Variants in EPM2A observed in about 807,000 individuals in gnomAD.
The protein encoded by EPM2A is laforin.
EPM2A carries 21 observed loss-of-function variants against 26.5 expected under a neutral mutation model. The observed-to-expected ratio is 0.79, with a 90% CI of 0.56 to 1.14. EPM2A has a LOEUF of 1.14. Ranked by LOEUF, EPM2A falls within the 50% of genes most tolerant of loss-of-function variation. The pLI, the probability that EPM2A is intolerant of heterozygous loss-of-function variation, is 0.00. For synonymous variants in EPM2A, 217 were observed against 177.6 expected, an observed-to-expected ratio of 1.22 and a Z score of -1.76; for missense variants, 458 against 440.8, an observed-to-expected ratio of 1.04 and a Z score of -0.35.
At chr6:145,523,995 T>C (rs1011901043) in intron 2 of EPM2A, among the ~76,000 whole-genome samples, 2 of 152,186 alleles carry the variant, frequency 1.3e-5, no homozygotes, top group African/African-American at 4.8e-5. Flanking sequence ...CTTTATTCCA[T>C]GTGAACCCAA....
At chr6:145,675,567 C>T (rs1271872658) in intron 2 of EPM2A, among the ~76,000 whole-genome samples, 1 of 151,980 alleles carries the variant, frequency 6.6e-6, no homozygotes, top group Non-Finnish European at 1.5e-5. Context: ...TACACATAGG[C>T]TCAAAATAAA....
chr6:145,553,876 T>G (rs6920441), intron 2 of EPM2A, among the ~76,000 whole-genome samples: 1 of 148,188 alleles, frequency 6.7e-6, no homozygotes, highest in Non-Finnish European at 1.5e-5. Context: ...TATTACTTGA[T>G]ATATATATAT....
At chr6:145,395,721 T>C (rs904478841) in intron 4 of EPM2A, among the ~76,000 whole-genome samples, 13 of 152,148 alleles carry the variant, frequency 8.5e-5, no homozygotes, top group African/African-American at 3.1e-4. Flanking sequence ...GTATCCTCCA[T>C]GACTATACTG....
At chr6:145,535,342 T>C (rs879870512) in intron 2 of EPM2A, among the ~76,000 whole-genome samples, 1 of 152,242 alleles carries the variant, frequency 6.6e-6, no homozygotes, top group Non-Finnish European at 1.5e-5. Flanking sequence ...ATCTTGCTTC[T>C]TCCAGGACAG....
intron 2 of EPM2A, among the ~76,000 whole-genome samples, chr6:145,547,334 T>C (rs1486226706): frequency 6.6e-6 from 1 of 152,120 alleles, no homozygotes; most frequent in South Asian, 2.1e-4. Flanking sequence ...CTGGCTCTCC[T>C]TCTTCTGAGA....
At chr6:145,656,220 T>C (rs1778272631) in intron 2 of EPM2A, among the ~76,000 whole-genome samples, 1 of 152,208 alleles carries the variant, frequency 6.6e-6, no homozygotes, top group South Asian at 2.1e-4. Context: ...AATCACATTT[T>C]GAATAAAGCA....
chr6:145,529,597 C>T (rs1459177532), intron 2 of EPM2A, among the ~76,000 whole-genome samples: 1 of 152,024 alleles, frequency 6.6e-6, no homozygotes, highest in Admixed American at 6.6e-5. Context: ...ATAGTGTAAC[C>T]CTAACATTTT....
At chr6:145,683,704 T>C (rs988530670) in intron 2 of EPM2A, among the ~76,000 whole-genome samples, 1 of 152,114 alleles carries the variant, frequency 6.6e-6, no homozygotes, top group Admixed American at 6.6e-5. Flanking sequence ...CAACAGACCC[T>C]GCCTGTCTTT....
chr6:145,616,458 A>G (rs1775514849), intron 2 of EPM2A, among the ~76,000 whole-genome samples: 1 of 152,206 alleles, frequency 6.6e-6, no homozygotes, highest in Admixed American at 6.5e-5. Flanking sequence ...GCAGCGAGGA[A>G]GGGAAATGTG....
intron 2 of EPM2A, among the ~76,000 whole-genome samples, chr6:145,532,649 C>G (rs974127705): frequency 6.6e-6 from 1 of 152,130 alleles, no homozygotes; most frequent in Non-Finnish European, 1.5e-5. Context: ...GTAAGTGGCC[C>G]GGACCCTCAG....
chr6:145,685,103 A>G (rs1264191892), intron 2 of EPM2A, among the ~76,000 whole-genome samples: 1 of 152,202 alleles, frequency 6.6e-6, no homozygotes, highest in African/African-American at 2.4e-5. Context: ...AATAACACTT[A>G]CATAATATTT....
Position 145,718,188 on chromosome 6 carries a change from T to C in EPM2A, c.301+17010A>G, listed in dbSNP as rs1189035284. 7.7e-4 allele frequency among the ~76,000 whole-genome samples: 117 copies of C among 152,108 alleles called. 2 individuals are homozygous for C. In the East Asian group the frequency reaches 0.021, roughly 27 times the overall value. On this transcript the variant is annotated intron_variant, in intron 1 of 3. Transcript: ENST00000367519. Reference sequence around the variant, plus strand: ...CAATCCTAAGCCAAAAGAACAAAGTTGGAGGCATCACACTACCTGACTTCA... The same window carrying C: ...CAATCCTAAGCCAAAAGAACAAAGTCGGAGGCATCACACTACCTGACTTCA...
intron 1 of EPM2A, among the ~76,000 whole-genome samples, chr6:145,714,778 G>A (rs1000943363): frequency 6.6e-6 from 1 of 152,182 alleles, no homozygotes; most frequent in Non-Finnish European, 1.5e-5. Context: ...CAGATCTCAT[G>A]AGACTTATTC....
In EPM2A at chr6:145,627,028, T is replaced by C. The variant is rs371488071; in HGVS notation, c.*388A>G. The stretch of plus-strand genomic sequence containing the variant: ...TAGTGATGAAATCCACATAACTCCA[T>C]ATCTTTTCCTCTACATGGCCAAGAG... On this transcript the variant is annotated 3_prime_UTR_variant, in exon 4 of 4. Coordinates refer to ENST00000367519, the MANE Select transcript of EPM2A (RefSeq NM_005670.4). 38 of 1,142,826 alleles carry C rather than the reference T, an allele frequency of 3.3e-5. No individual in the cohort carries two copies. In the East Asian group the frequency reaches 5.7e-4, roughly 17 times the overall value. 70.8% of individuals were successfully genotyped at this position (1,142,826 alleles called of 1,614,324 possible). A position where few individuals can be genotyped will look rare whatever the true frequency, so the allele number is the denominator to read the frequency against.
chr6:145,612,306 CAG>C (rs2128552297), intron 2 of EPM2A, among the ~76,000 whole-genome samples: 1 of 152,036 alleles, frequency 6.6e-6, no homozygotes, highest in East Asian at 1.9e-4. Flanking sequence ...TAAAATAAGA[CAG>C]ATAAATGGGT....
intron 1 of EPM2A, among the ~76,000 whole-genome samples, chr6:145,703,693 C>A (rs1219745169): frequency 6.6e-6 from 1 of 152,182 alleles, no homozygotes; most frequent in East Asian, 1.9e-4. Flanking sequence ...ACTACTCTAA[C>A]ACATTTATGC....
Position 145,612,088 on chromosome 6 carries a change from G to A in EPM2A, c.340+23157C>T, listed in dbSNP as rs1330112854. On this transcript the variant is annotated intron_variant, in intron 2 of 3. Coordinates refer to the EPM2A transcript ENST00000450221. ...AGAGTATCTTAATTTCCAAATGATA[G>A]AATTTTACCCTGAAACATGTATATT... 7.2e-5 allele frequency among the ~76,000 whole-genome samples: 11 copies of A among 152,194 alleles called. No homozygotes were observed. The East Asian group carries it at 1.7e-3, about 24-fold the overall frequency.
chr6:145,505,022 A>C (rs1779950078), intron 2 of EPM2A, among the ~76,000 whole-genome samples: 1 of 124,640 alleles, frequency 8.0e-6, no homozygotes, highest in Non-Finnish European at 1.7e-5. Context: ...GCATATTCTC[A>C]CTGATAGGTG....
intron 2 of EPM2A, among the ~76,000 whole-genome samples, chr6:145,557,462 A>G (rs1260354263): frequency 6.8e-6 from 1 of 147,090 alleles, no homozygotes; most frequent in Non-Finnish European, 1.5e-5. Flanking sequence ...AAGAAAAGAT[A>G]ATAGGAAACA....
Sources: allele counts gnomAD v4.1 joint callset (sites outside exome capture counted in the v4.1 genomes callset), GRCh38; gene constraint gnomAD v4.1.1; transcripts MANE v1.5; gene names NCBI Gene and HGNC (gene_info 2026-07-23, HGNC 2026-07-21).